ZNF274: variants seen among roughly 807,000 people sequenced by gnomAD.
The protein encoded by ZNF274 is zinc finger protein 274.
Under a neutral mutation model 42.5 loss-of-function variants are expected in ZNF274, and 23 were observed. The ratio of observed to expected loss-of-function variants is 0.54; its 90% CI spans 0.39 to 0.77. The LOEUF is 0.77. ZNF274 is among the 30% of genes least tolerant of loss of function. The pLI is 0.00. For missense variants in ZNF274, 679 were observed against 806.5 expected (o/e 0.84, Z 1.91); for synonymous variants, 292 against 305.4 (o/e 0.96, Z 0.46).
chr19:58,188,619 AAATATATATATAT>A lies in ZNF274; in HGVS notation c.256+1579_256+1591del, dbSNP rs1390350824. Among the ~76,000 whole-genome samples the A allele has an allele frequency of 4.9e-4, 23 of 47,402 alleles. 1 individual carries two copies. Among genetic ancestry groups the A allele is most frequent in the African/African-American group, 2.6e-3 (23 of 8,906 alleles). 31.1% of individuals were successfully genotyped at this position (47,402 alleles called of 152,430 possible). On this transcript the variant is annotated intron_variant, in intron 4 of 7. Coordinates refer to ENST00000617501, the MANE Select transcript of ZNF274 (RefSeq NM_133502.3). ...AGACTCCATCTCAAAAAAAAAAAAA[AAATATATATATAT>A]ATATATATATATATGTAAAAAATAG... is the stretch of plus-strand genomic sequence containing the variant.
rs770758861 is a variant in ZNF274, at chr19:58,212,597, C to T, written c.1416C>T (p.Ser472=). 1.2e-6 allele frequency: 2 copies of T among 1,613,994 alleles called. No individual in the cohort carries two copies. Among genetic ancestry groups the T allele is most frequent in the Admixed American group, 3.3e-5 (2 of 60,024 alleles). ...CACGTGTAAAAATTCATCAGAAGAGCTGTGAAAGGCAAAAGGCCAAGGAAG... is the reference window on the plus strand; with the variant it reads ...CACGTGTAAAAATTCATCAGAAGAGTTGTGAAAGGCAAAAGGCCAAGGAAG... ...HNSRVKIHQK[S]CERQKAKEGN... The change falls in exon 8 of 8, where the codon AGC becomes AGT. Residue 472 remains serine, a synonymous_variant. Transcript: ENST00000617501. The surrounding 1 kb of genome is among the most constrained non-coding windows in gnomAD (Gnocchi z 4.6).
At chr19:58,194,292 C>A (rs2075812323) in intron 4 of ZNF274, among the ~76,000 whole-genome samples, 1 of 146,892 alleles carries the variant, frequency 6.8e-6, no homozygotes, top group Non-Finnish European at 1.5e-5. Flanking sequence ...GTGGGGATGT[C>A]TGGTAAAGAC....
rs1358710551 is a variant in ZNF274, at chr19:58,208,468, T to G, written c.739+1266T>G. ...GACTTTGCAGAAACAATTAAGGATC[T>G]TGAGAGGGAGAGATGCACTGGATTA... On this transcript the variant is annotated intron_variant, in intron 5 of 7. Coordinates refer to ENST00000617501, the MANE Select transcript of ZNF274 (RefSeq NM_133502.3). The surrounding 1 kb of genome is among the most constrained non-coding windows in gnomAD (Gnocchi z 4.5). 6.6e-6 allele frequency: 1 copy of G among 152,206 alleles called. No homozygotes were observed. Among genetic ancestry groups the G allele is most frequent in the Non-Finnish European group, 1.5e-5 (1 of 68,074 alleles). 9.4% of individuals were successfully genotyped at this position (152,206 alleles called of 1,614,324 possible).
At chr19:58,203,588 A>G (rs1391165360) in intron 4 of ZNF274, among the ~76,000 whole-genome samples, 4 of 146,772 alleles carry the variant, frequency 2.7e-5, no homozygotes, top group Non-Finnish European at 5.9e-5. Context: ...TCAAAAAAAA[A>G]AAAAAAAAGA....
intron 1 of ZNF274, chr19:58,183,647 T>G: frequency 3.8e-6 from 1 of 262,152 alleles, no homozygotes; most frequent in Non-Finnish European, 7.4e-6. Context: ...GGCGCCGCGG[T>G]GGAGAGAACA....
intron 4 of ZNF274, among the ~76,000 whole-genome samples, chr19:58,197,317 C>G (rs2075855635): frequency 6.6e-6 from 1 of 152,206 alleles, no homozygotes; most frequent in African/African-American, 2.4e-5. Context: ...CCTTAACTCT[C>G]ACCTTATGTG....
At position 58,198,307 on chromosome 19, in the gene ZNF274, C is replaced by T. The variant is rs868689490; in HGVS notation, c.257-8413C>T. On this transcript the variant is annotated intron_variant, in intron 4 of 7. Coordinates refer to ENST00000617501, the MANE Select transcript of ZNF274 (RefSeq NM_133502.3). The stretch of plus-strand genomic sequence containing the variant: ...TGTAGTTTTTAGTTACAGTAGTTTG[C>T]ACAGCTGTTACAAAGAATGAGCAAC... 1.2e-4 allele frequency among the ~76,000 whole-genome samples: 18 copies of T among 152,250 alleles called. No homozygotes were observed. In the Middle Eastern group the frequency reaches 0.024, roughly 201 times the overall value.
chr19:58,211,623 C>G lies in ZNF274; in HGVS notation c.916C>G (p.Pro306Ala). ...CCGGGAGGAGTGGGGGCTGCTGGGC[C>G]CGACACAGAGGACCGAGTACCGCGA... ...FSREEWGLLG[P>A]TQRTEYRDVM... The change falls in exon 7 of 8, where the codon CCG becomes GCG. Residue 306 changes from proline to alanine, a missense_variant. Coordinates refer to ENST00000617501, the MANE Select transcript of ZNF274 (RefSeq NM_133502.3). The surrounding 1 kb of genome is among the most constrained non-coding windows in gnomAD (Gnocchi z 4.8). 6.2e-7 allele frequency: 1 copy of G among 1,613,810 alleles called. No homozygotes were observed. Among genetic ancestry groups the G allele is most frequent in the Non-Finnish European group, 8.5e-7 (1 of 1,179,824 alleles).
chr19:58,185,723 CT>C lies in ZNF274; in HGVS notation c.48del (p.Phe16LeufsTer4). On this transcript the variant is annotated frameshift_variant, in exon 3 of 8. Transcript: ENST00000617501. LOFTEE classifies it high-confidence loss of function. ...ATCTGGATTTTTAGGAACCAGTGAC[CT>C]TTGAAGATGTAACACTGGGTTTTAC... ...PTAWSCEPVT[F>X]EDVTLGFTPE... The C allele has an allele frequency of 6.9e-7, 1 of 1,453,654 alleles. No individual in the cohort carries two copies. Among genetic ancestry groups the C allele is most frequent in the Non-Finnish European group, 9.1e-7 (1 of 1,097,596 alleles). The allele number at this position is 1,453,654 out of a possible 1,614,324, so 90.0% of individuals were successfully genotyped here. A position where few individuals can be genotyped will look rare whatever the true frequency, so the allele number is the denominator to read the frequency against.
chr19:58,206,388 G>A (rs1416989292), intron 4 of ZNF274, among the ~76,000 whole-genome samples: 10 of 152,194 alleles, frequency 6.6e-5, no homozygotes, highest in African/African-American at 2.2e-4. Context: ...CATTCTTATA[G>A]AAGTTTTTGG....
rs142694803 is a variant in ZNF274 at position 58,199,777 on chromosome 19, C to T, written c.257-6943C>T. 5.3e-4 allele frequency among the ~76,000 whole-genome samples: 81 copies of T among 152,322 alleles called. 1 individual carries two copies. In the East Asian group the frequency reaches 0.014, roughly 27 times the overall value. On this transcript the variant is annotated intron_variant, in intron 4 of 7. Transcript: ENST00000617501. ...AAATTTGACATGGATATACAAAATA[C>T]ATTAATACCTTTAAAAAGTTATACC...
At position 58,185,718 on chromosome 19, in the gene ZNF274, G is replaced by A; in HGVS notation, c.40G>A (p.Val14Met). Residue 14 changes from valine to methionine, a missense_variant, in exon 3 of 8, where the codon GTG becomes ATG. Physicochemically the swap from Val to Met is conservative, Grantham distance 21. Transcript: ENST00000617501. ...CAAGAATCTGGATTTTTAGGAACCA[G>A]TGACCTTTGAAGATGTAACACTGGG... ...RLPTAWSCEP[V>M]TFEDVTLGFT... The A allele has an allele frequency of 6.9e-7, 1 of 1,444,018 alleles. No homozygotes were observed. 89.5% of individuals were successfully genotyped at this position (1,444,018 alleles called of 1,614,324 possible).
rs2076061614 is a variant in ZNF274 at position 58,213,016 on chromosome 19, C to T, written c.1835C>T (p.Thr612Ile). ...TCCCACCTCATCAGACATCAGAGGA[C>T]TCACACCGGGGAGCGCCCATATGCA... ...QSSHLIRHQR[T>I]HTGERPYACN... The change falls in exon 8 of 8, where the codon ACT becomes ATT. Residue 612 changes from threonine (T) to isoleucine (I), a missense_variant. Transcript: ENST00000617501. The T allele has an allele frequency of 6.2e-7, 1 of 1,613,906 alleles. No individual in the cohort carries two copies. Among genetic ancestry groups the T allele is most frequent in the Non-Finnish European group, 8.5e-7 (1 of 1,179,920 alleles).
At chr19:58,201,163 C>T (rs2075905700) in intron 4 of ZNF274, among the ~76,000 whole-genome samples, 2 of 148,316 alleles carry the variant, frequency 1.3e-5, no homozygotes, top group Non-Finnish European at 3.0e-5. Context: ...TGCCGCTACG[C>T]CTGGCTAATT....
intron 1 of ZNF274, 136 bp from the exon 2 acceptor site, chr19:58,183,785 A>G (rs530628656): frequency 1.6e-6 from 1 of 606,876 alleles, no homozygotes; most frequent in Non-Finnish European, 2.9e-6. Context: ...GAGTCCTATG[A>G]CTCACTCTGG....
Position 58,206,815 on chromosome 19 carries a change from C to A in ZNF274, c.352C>A (p.Gln118Lys), listed in dbSNP as rs747759693. 1 of 1,613,950 alleles carries A rather than the reference C, an allele frequency of 6.2e-7. No homozygotes were observed. Among genetic ancestry groups the A allele is most frequent in the East Asian group, 2.2e-5 (1 of 44,884 alleles). The change falls in exon 5 of 8, where the codon CAG becomes AAG. Residue 118 changes from glutamine to lysine, a missense_variant. By Grantham distance (53) the Gln-to-Lys change is moderately conservative (BLOSUM62 1). Transcript: ENST00000617501. Reference protein sequence around the residue: ...IEVVEVLTLNQEVAGPRNAQI... With the variant: ...IEVVEVLTLNKEVAGPRNAQI... The stretch of plus-strand genomic sequence containing the variant: ...GGTTGTTGAGGTCCTCACACTGAAC[C>A]AGGAGGTGGCTGGTCCCCGGAATGC...
rs561544890 is a variant in ZNF274 at position 58,213,260 on chromosome 19, C to A, written c.*117C>A. ...AAGGGAAGTATTGAGTGAGGACATT[C>A]CCAAAACCAAAGGACAACTGAGGAG... On this transcript the variant is annotated 3_prime_UTR_variant, in exon 8 of 8. Transcript: ENST00000617501. 10 of 1,374,468 alleles carry A rather than the reference C, an allele frequency of 7.3e-6. No homozygotes were observed. The South Asian group carries it at 1.6e-4, about 22-fold the overall frequency. 85.1% of individuals were successfully genotyped at this position (1,374,468 alleles called of 1,614,324 possible). A position where few individuals can be genotyped will look rare whatever the true frequency, so the allele number is the denominator to read the frequency against.
At position 58,212,022 on chromosome 19, in the gene ZNF274, G is replaced by A. The variant is rs2076046289; in HGVS notation, c.980-139G>A. The A allele has an allele frequency of 9.6e-7, 1 of 1,046,666 alleles. No homozygotes were observed. Among genetic ancestry groups the A allele is most frequent in the South Asian group, 1.7e-5 (1 of 60,116 alleles). The allele number at this position is 1,046,666 out of a possible 1,614,324, so 64.8% of individuals were successfully genotyped here. On this transcript the variant is annotated intron_variant, in intron 7 of 7. Coordinates refer to ENST00000617501, the MANE Select transcript of ZNF274 (RefSeq NM_133502.3). The surrounding 1 kb of genome is among the most constrained non-coding windows in gnomAD (Gnocchi z 4.6). ...CTCCCTGCCGCTTCATTGCTTTTCA[G>A]TCTCTCTCCAGGTTGCATGACTCTA... is the stretch of plus-strand genomic sequence containing the variant.
intron 4 of ZNF274, among the ~76,000 whole-genome samples, chr19:58,205,031 C>A (rs990631871): frequency 6.6e-6 from 1 of 152,152 alleles, no homozygotes; most frequent in Non-Finnish European, 1.5e-5. Flanking sequence ...GTGCTTGTTG[C>A]CAGAGGTTGT....
Sources: gnomAD v4.1 joint callset for allele counts (sites outside exome capture counted in the v4.1 genomes callset) on GRCh38, gnomAD v4.1.1 for gene constraint, Gnocchi (gnomAD v3.1) non-coding constraint, MANE v1.5 for transcripts, NCBI Gene and HGNC (gene_info 2026-07-23, HGNC 2026-07-21) for gene names.